IRAK4: variants seen among roughly 807,000 people sequenced by gnomAD.
IRAK4 encodes the protein interleukin-1 receptor-associated kinase 4.
Under a neutral mutation model 51.8 loss-of-function variants are expected in IRAK4, and 44 were observed. That is an observed-to-expected ratio of 0.85 (90% CI 0.67 to 1.09). The LOEUF (loss-of-function observed/expected upper bound fraction) is 1.09, where lower values mean the gene tolerates loss of function less well. Among genes scored for constraint, IRAK4 ranks in the 50% least tolerant of loss-of-function variants. IRAK4 has a pLI of 0.00. For synonymous variants in IRAK4, 149 were observed against 174.1 expected (o/e 0.86, Z 1.13); for missense variants, 487 against 538.0 (o/e 0.91, Z 0.94).
At chr12:43,779,235 C>G (rs1466745366) in intron 8 of IRAK4, among the ~76,000 whole-genome samples, 1 of 151,892 alleles carries the variant, frequency 6.6e-6, no homozygotes, top group Non-Finnish European at 1.5e-5. Context: ...TGCTCCCCAG[C>G]CTGGGTAATA....
At chr12:43,762,114 C>G (rs968619560) in intron 1 of IRAK4, among the ~76,000 whole-genome samples, 1 of 152,132 alleles carries the variant, frequency 6.6e-6, no homozygotes, top group South Asian at 2.1e-4. Context: ...TCATAAAAGT[C>G]ATCACCAAGG....
At chr12:43,774,732 A>G (rs1008036331) in intron 6 of IRAK4, among the ~76,000 whole-genome samples, 2 of 152,228 alleles carry the variant, frequency 1.3e-5, no homozygotes, top group African/African-American at 2.4e-5. Context: ...TGTTATCTGT[A>G]AGGATGCTTA....
At chr12:43,782,646 A>T (rs1941879773) in intron 9 of IRAK4, among the ~76,000 whole-genome samples, 156 bp downstream of exon 9, 1 of 152,208 alleles carries the variant, frequency 6.6e-6, no homozygotes, top group Admixed American at 6.5e-5. Context: ...AGTTTATAAA[A>T]ACTTCTTCCA....
chr12:43,763,470 T>G (rs190256980), intron 1 of IRAK4: 17 of 152,312 alleles, frequency 1.1e-4, no homozygotes, highest in African/African-American at 3.4e-4. Context: ...ATTATTTTAT[T>G]AAAATATATA....
intron 10 of IRAK4, among the ~76,000 whole-genome samples, chr12:43,785,754 A>G (rs1942159910): frequency 6.6e-6 from 1 of 151,676 alleles, no homozygotes; most frequent in Admixed American, 6.6e-5. Context: ...GTACTTACAC[A>G]AACCTAGATG....
chr12:43,772,132 C>A, intron 3 of IRAK4, 48 bp from the exon 4 acceptor site: 1 of 1,465,660 alleles, frequency 6.8e-7, no homozygotes, highest in Non-Finnish European at 9.5e-7. Context: ...TTTTTCACAA[C>A]CACTTTTTCT....
At chr12:43,772,702 T>G (rs1483893301) in intron 4 of IRAK4, among the ~76,000 whole-genome samples, 1 of 152,150 alleles carries the variant, frequency 6.6e-6, no homozygotes, top group African/African-American at 2.4e-5. Flanking sequence ...TTTGGGTGGG[T>G]GACTACAGTG....
chr12:43,771,025 C>G, intron 2 of IRAK4, 195 bp from the exon 3 acceptor site: 1 of 695,460 alleles, frequency 1.4e-6, no homozygotes, highest in Non-Finnish European at 2.6e-6. Context: ...CCCTTCTGCC[C>G]TTCCACCATG....
chr12:43,785,620 GTGTGTA>G (rs1942141233), intron 10 of IRAK4, among the ~76,000 whole-genome samples: 1 of 144,504 alleles, frequency 6.9e-6, no homozygotes, highest in Admixed American at 6.9e-5. Flanking sequence ...ATATATATAT[GTGTGTA>G]TATATATATA....
chr12:43,786,309 A>G lies in IRAK4; in HGVS notation c.1189-90A>G, dbSNP rs1942207279. On this transcript the variant is annotated intron_variant, in intron 10 of 11. Coordinates refer to ENST00000613694, the MANE Select transcript of IRAK4 (RefSeq NM_016123.4). ...GTAAAATGAGAGCACATGTTATTAC[A>G]AAGTAGATTAATTTAAATAATTAAA... 3.6e-6 allele frequency: 3 copies of G among 822,392 alleles called. No individual in the cohort carries two copies. The South Asian group carries it at 9.7e-5, about 27-fold the overall frequency. The allele number at this position is 822,392 out of a possible 1,614,324, so 50.9% of individuals were successfully genotyped here. A position where few individuals can be genotyped will look rare whatever the true frequency, so the allele number is the denominator to read the frequency against.
intron 8 of IRAK4, among the ~76,000 whole-genome samples, chr12:43,780,818 G>A (rs1323123612): frequency 7.9e-5 from 12 of 152,072 alleles, no homozygotes; most frequent in African/African-American, 9.7e-5. Flanking sequence ...TGATCCGCCC[G>A]CCTTGGCCTC....
chr12:43,767,733 A>T (rs902866151), intron 1 of IRAK4, among the ~76,000 whole-genome samples: 49 of 152,130 alleles, frequency 3.2e-4, no homozygotes, highest in Admixed American at 9.8e-4. Flanking sequence ...TGTTTTTATT[A>T]ATAGATTTGA....
At chr12:43,771,403 G>A (rs758183218) in intron 3 of IRAK4, 38 bp downstream of exon 3, 1 of 1,605,784 alleles carries the variant, frequency 6.2e-7, no homozygotes, top group East Asian at 2.2e-5. Flanking sequence ...CAATTAGGGT[G>A]GAAAGACAAA....
chr12:43,777,774 C>CT (rs1396007275), intron 7 of IRAK4, 30 bp downstream of exon 7: 1 of 1,535,076 alleles, frequency 6.5e-7, no homozygotes, highest in African/African-American at 1.4e-5. Flanking sequence ...GATTGTTTGG[C>CT]TTTTTGTTTA....
intron 7 of IRAK4, among the ~76,000 whole-genome samples, 156 bp downstream of exon 7, chr12:43,777,900 G>A (rs1227588932): frequency 6.6e-6 from 1 of 152,074 alleles, no homozygotes; most frequent in African/African-American, 2.4e-5. Flanking sequence ...TTATACAGTT[G>A]ATATGTCAAC....
chr12:43,780,813 C>T lies in IRAK4; in HGVS notation c.942-1494C>T, dbSNP rs528884638. Among the ~76,000 whole-genome samples, 5 of 152,224 alleles carry T rather than the reference C, an allele frequency of 3.3e-5. No homozygotes were observed. In the East Asian group the frequency reaches 5.8e-4, roughly 18 times the overall value. ...CTTGAACTCCCGACCTCAGGTGATCCGCCCGCCTTGGCCTCCCAAAGTGCT... is the reference window on the plus strand; with the variant it reads ...CTTGAACTCCCGACCTCAGGTGATCTGCCCGCCTTGGCCTCCCAAAGTGCT... On this transcript the variant is annotated intron_variant, in intron 8 of 11. Transcript: ENST00000613694.
Position 43,772,287 on chromosome 12 carries a change from C to T in IRAK4, c.415C>T (p.Gln139Ter), listed in dbSNP as rs769242383. 7 of 1,613,628 alleles carry T rather than the reference C, an allele frequency of 4.3e-6. No homozygotes were observed. In the South Asian group the frequency reaches 5.5e-5, roughly 13 times the overall value. ...DKDRTLMTPV[Q>*]NLEQSYMPPD... ...AGACAGGACATTGATGACACCTGTG[C>T]AGAATCTTGAACAAAGCTATATGCC... Residue 139 changes from glutamine to a stop codon, truncating the protein, a stop_gained, in exon 4 of 12, where the codon CAG becomes TAG. Transcript: ENST00000613694. LOFTEE classifies it high-confidence loss of function.
intron 2 of IRAK4, among the ~76,000 whole-genome samples, chr12:43,769,607 A>C (rs1027857105): frequency 1.3e-5 from 2 of 152,160 alleles, no homozygotes; most frequent in African/African-American, 4.8e-5. Context: ...AGCCATGATC[A>C]TGCCACTGCA....
intron 2 of IRAK4, among the ~76,000 whole-genome samples, chr12:43,770,490 A>C (rs1291843937): frequency 6.6e-6 from 1 of 152,158 alleles, no homozygotes; most frequent in Admixed American, 6.5e-5. Flanking sequence ...TGGCTTTTTC[A>C]CTAGTAAATT....
Sources: gnomAD v4.1 joint callset for allele counts (sites outside exome capture counted in the v4.1 genomes callset) on GRCh38, gnomAD v4.1.1 for gene constraint, MANE v1.5 for transcripts, NCBI Gene and HGNC (gene_info 2026-07-23, HGNC 2026-07-21) for gene names.